The following DPP6 variants were observed in gnomAD, a reference collection of about 807,000 sequenced individuals.
DPP6 encodes dipeptidyl peptidase like 6, also known as A-type potassium channel modulatory protein DPP6.
DPP6 carries 69 observed loss-of-function variants against 122.6 expected under a neutral mutation model. That is an observed-to-expected ratio of 0.56 (90% CI 0.46 to 0.69). The LOEUF is 0.69. DPP6 is among the 30% of genes least tolerant of loss of function. The pLI, the probability that DPP6 is intolerant of heterozygous loss-of-function variation, is 0.00. For synonymous variants in DPP6, 418 were observed against 433.1 expected, an observed-to-expected ratio of 0.97 and a Z score of 0.43; for missense variants, 928 against 1,116.9, an observed-to-expected ratio of 0.83 and a Z score of 2.41.
At chr7:154,555,033 A>G (rs750475919) in intron 4 of DPP6, among the ~76,000 whole-genome samples, 1 of 152,188 alleles carries the variant, frequency 6.6e-6, no homozygotes, top group East Asian at 1.9e-4. Flanking sequence ...CCAAGAACCA[A>G]CCATCAGTGA....
intron 5 of DPP6, among the ~76,000 whole-genome samples, chr7:154,581,715 C>G (rs1229594200): frequency 6.6e-6 from 1 of 152,238 alleles, no homozygotes; most frequent in African/African-American, 2.4e-5. Context: ...CAACAGTGTC[C>G]CCTGCAGGTG....
At chr7:154,590,505 CT>C (rs1444647651) in intron 5 of DPP6, among the ~76,000 whole-genome samples, 1 of 147,396 alleles carries the variant, frequency 6.8e-6, no homozygotes, top group Admixed American at 6.8e-5. Context: ...AAAAATATGC[CT>C]TTGTTTACTA....
chr7:154,797,353 A>ATGTATG (rs1411506547), intron 12 of DPP6, among the ~76,000 whole-genome samples: 3 of 152,082 alleles, frequency 2.0e-5, no homozygotes, highest in Non-Finnish European at 4.4e-5. Flanking sequence ...TATTATACAT[A>ATGTATG]TGTATGTGTG....
intron 1 of DPP6, among the ~76,000 whole-genome samples, chr7:154,180,000 T>C (rs1797991510): frequency 6.6e-6 from 1 of 152,192 alleles, no homozygotes; most frequent in Non-Finnish European, 1.5e-5. Flanking sequence ...TTAAAAATGT[T>C]GAAAGGTCTT....
intron 1 of DPP6, among the ~76,000 whole-genome samples, chr7:154,392,610 A>T (rs1211574019): frequency 1.3e-5 from 2 of 152,178 alleles, no homozygotes; most frequent in Admixed American, 1.3e-4. Flanking sequence ...ACCTCGTAGG[A>T]AGGTTTTTGA....
chr7:154,817,951 A>G (rs568418283), intron 16 of DPP6, among the ~76,000 whole-genome samples: 11 of 152,268 alleles, frequency 7.2e-5, no homozygotes, highest in African/African-American at 2.2e-4. Context: ...CCATGCATCT[A>G]TGATGTTTGG....
intron 1 of DPP6, among the ~76,000 whole-genome samples, chr7:153,918,589 T>A (rs1373064549): frequency 0.27 from 21,746 of 80,368 alleles, 1,499 homozygotes; most frequent in Non-Finnish European, 0.32. Flanking sequence ...TCTCTCTCTC[T>A]CTCTCTCTCT....
In DPP6 at chr7:154,627,000, C is replaced by CTTTT. The variant is rs552919287; in HGVS notation, c.628-10793_628-10790dup. On this transcript the variant is annotated intron_variant, in intron 5 of 25. Coordinates refer to ENST00000377770, the MANE Select transcript of DPP6 (RefSeq NM_130797.4). ...ATCTGGGGTCCATTAGAAATTTTTTCTTTTTTTTTTTTTTTTTTTTTTTTT... is the reference window on the plus strand; with the variant it reads ...ATCTGGGGTCCATTAGAAATTTTTTCTTTTTTTTTTTTTTTTTTTTTTTTTTTTT... 1.2e-3 allele frequency among the ~76,000 whole-genome samples: 65 copies of CTTTT among 52,116 alleles called. 2 individuals are homozygous for CTTTT. Among genetic ancestry groups the CTTTT allele is most frequent in the East Asian group, 2.3e-3 (3 of 1,304 alleles). The allele number at this position is 52,116 out of a possible 152,430, so 34.2% of individuals were successfully genotyped here. A position where few individuals can be genotyped will look rare whatever the true frequency, so the allele number is the denominator to read the frequency against.
chr7:154,395,565 G>A (rs1815007253), intron 1 of DPP6, among the ~76,000 whole-genome samples: 1 of 151,720 alleles, frequency 6.6e-6, no homozygotes, highest in Non-Finnish European at 1.5e-5. Context: ...TTCATTGTTA[G>A]CATAGAGAAA....
At chr7:154,129,320 C>T (rs1808187557) in intron 1 of DPP6, among the ~76,000 whole-genome samples, 1 of 152,122 alleles carries the variant, frequency 6.6e-6, no homozygotes, top group Non-Finnish European at 1.5e-5. Context: ...AAAGCTATTT[C>T]TAGTACCATT....
At chr7:153,964,094 C>G (rs1047793264) in intron 1 of DPP6, among the ~76,000 whole-genome samples, 1 of 152,156 alleles carries the variant, frequency 6.6e-6, no homozygotes, top group African/African-American at 2.4e-5. Flanking sequence ...CTCCCGGGCT[C>G]AAGTGATTCT....
intron 1 of DPP6, among the ~76,000 whole-genome samples, chr7:153,893,525 G>A (rs944009457): frequency 6.6e-6 from 1 of 152,236 alleles, no homozygotes; most frequent in African/African-American, 2.4e-5. Context: ...CATGGTTTTA[G>A]TTGAACGTTT....
At chr7:153,847,937 C>T in the DPP6 span, among the ~76,000 whole-genome samples, 57 of 152,324 alleles carry the variant, frequency 3.7e-4, no homozygotes, top group African/African-American at 1.3e-3. Flanking sequence ...TTCTCTGTTA[C>T]CTAAAGCCAA....
intron 1 of DPP6, among the ~76,000 whole-genome samples, chr7:154,332,094 CAG>C (rs1198539973): frequency 2.7e-5 from 4 of 146,352 alleles, no homozygotes; most frequent in African/African-American, 5.1e-5. Flanking sequence ...TTTTTTGAGA[CAG>C]AGTCTCACTC....
chr7:154,141,294 A>G (rs1795831543), intron 1 of DPP6, among the ~76,000 whole-genome samples: 1 of 152,366 alleles, frequency 6.6e-6, no homozygotes. Flanking sequence ...AAGAAAATAC[A>G]GCTTGTTGCA....
chr7:154,294,996 T>C (rs4075741), intron 1 of DPP6, among the ~76,000 whole-genome samples: 2,087 of 152,318 alleles, frequency 0.014, 47 homozygotes, highest in East Asian at 0.039. Flanking sequence ...AGGAGCATGG[T>C]GGTGCCGTGC....
chr7:154,426,660 C>T (rs1242269659), intron 1 of DPP6, among the ~76,000 whole-genome samples: 3 of 152,000 alleles, frequency 2.0e-5, no homozygotes, highest in African/African-American at 7.2e-5. Flanking sequence ...TCCAGAGGGG[C>T]AAACCATCCA....
At chr7:154,423,545 G>A (rs1817657047) in intron 1 of DPP6, among the ~76,000 whole-genome samples, 1 of 152,150 alleles carries the variant, frequency 6.6e-6, no homozygotes, top group South Asian at 2.1e-4. Context: ...AGTCTTTATA[G>A]ACCGAGCTTA....
intron 1 of DPP6, among the ~76,000 whole-genome samples, chr7:153,915,947 ATTTAT>A (rs1432436452): frequency 2.1e-4 from 1 of 4,810 alleles, no homozygotes; most frequent in African/African-American, 4.8e-4. Context: ...TCTGATTTTT[ATTTAT>A]TTATTTATTT....
Sources: gnomAD v4.1 joint callset for allele counts (sites outside exome capture counted in the v4.1 genomes callset) on GRCh38, gnomAD v4.1.1 for gene constraint, MANE v1.5 for transcripts, NCBI Gene and HGNC (gene_info 2026-07-23, HGNC 2026-07-21) for gene names.